RTN4: variants seen among roughly 807,000 people sequenced by gnomAD.
RTN4 encodes the protein reticulon 4.
RTN4 carries 32 observed loss-of-function variants against 90.4 expected under a neutral mutation model. The observed-to-expected ratio is 0.35, with a 90% CI of 0.27 to 0.48. The LOEUF (loss-of-function observed/expected upper bound fraction) is 0.48. Ranked by LOEUF, RTN4 falls within the 20% of genes least tolerant of loss-of-function variation. The pLI, the probability that RTN4 is intolerant of heterozygous loss-of-function variation, is 0.99. For synonymous variants in RTN4, 629 were observed against 552.5 expected (o/e 1.14, Z -1.94); for missense variants, 1,706 against 1,430.2 (o/e 1.19, Z -3.11).
At chr2:55,043,917 A>C (rs1270650190) in intron 1 of RTN4, among the ~76,000 whole-genome samples, 1 of 151,798 alleles carries the variant, frequency 6.6e-6, no homozygotes, top group Non-Finnish European at 1.5e-5. Flanking sequence ...TAAAAATAAA[A>C]ATATATTTAG....
chr2:55,073,606 T>C (rs1668550923), intron 2 of RTN4, among the ~76,000 whole-genome samples: 2 of 152,222 alleles, frequency 1.3e-5, no homozygotes, highest in African/African-American at 2.4e-5. Flanking sequence ...GATACACTAC[T>C]ATGTCAATGT....
chr2:55,102,250 T>A (rs1395203640), intron 1 of RTN4, among the ~76,000 whole-genome samples: 2 of 152,128 alleles, frequency 1.3e-5, no homozygotes, highest in Non-Finnish European at 2.9e-5. Flanking sequence ...TTTAGTTTGT[T>A]TTTGTAAGGC....
At chr2:54,985,123 A>G (rs1480128673) in intron 4 of RTN4, among the ~76,000 whole-genome samples, 1 of 115,850 alleles carries the variant, frequency 8.6e-6, no homozygotes, top group Non-Finnish European at 1.8e-5. Flanking sequence ...CTTCTTTATG[A>G]TTTGTGGCTT....
chr2:55,039,424 C>T (rs1204175545), intron 1 of RTN4, among the ~76,000 whole-genome samples: 1 of 152,072 alleles, frequency 6.6e-6, no homozygotes, highest in African/African-American at 2.4e-5. Flanking sequence ...GTGGACCTTA[C>T]TCGAATTCTG....
chr2:55,042,509 G>C (rs922526882), intron 1 of RTN4, among the ~76,000 whole-genome samples: 6 of 152,168 alleles, frequency 3.9e-5, no homozygotes, highest in Non-Finnish European at 8.8e-5. Context: ...TTTATCCACA[G>C]ATTATCTCTA....
At chr2:55,095,664 A>G (rs983351164) in intron 1 of RTN4, among the ~76,000 whole-genome samples, 2 of 152,048 alleles carry the variant, frequency 1.3e-5, no homozygotes, top group African/African-American at 4.8e-5. Flanking sequence ...TGACTCCCCT[A>G]AATAGCTGGG....
At chr2:55,034,948 T>C (rs1441199255) in intron 1 of RTN4, among the ~76,000 whole-genome samples, 1 of 152,208 alleles carries the variant, frequency 6.6e-6, no homozygotes, top group African/African-American at 2.4e-5. Context: ...AAATTGAGAA[T>C]GCATTCTGTA....
chr2:55,136,492 G>A, the RTN4 span, among the ~76,000 whole-genome samples: 1 of 152,210 alleles, frequency 6.6e-6, no homozygotes, highest in Non-Finnish European at 1.5e-5. Flanking sequence ...ACTTCCTTTT[G>A]TTCCTGCGCT....
chr2:55,088,110 C>G (rs982105657), intron 1 of RTN4, among the ~76,000 whole-genome samples: 1 of 152,188 alleles, frequency 6.6e-6, no homozygotes, highest in African/African-American at 2.4e-5. Context: ...GTATGCACAG[C>G]TAGCACAGTT....
chr2:55,098,210 G>A (rs749838279), intron 1 of RTN4, among the ~76,000 whole-genome samples: 13 of 152,124 alleles, frequency 8.5e-5, no homozygotes, highest in Non-Finnish European at 1.9e-4. Flanking sequence ...CCAGCACAAA[G>A]CTGGTGTTTA....
chr2:55,052,115 G>C (rs767320339), upstream of RTN4, among the ~76,000 whole-genome samples: 2 of 152,170 alleles, frequency 1.3e-5, no homozygotes, highest in African/African-American at 4.8e-5. Context: ...AAACTGTTCT[G>C]TATTATCCTG....
intron 3 of RTN4, among the ~76,000 whole-genome samples, chr2:55,009,824 T>C (rs1469592026): frequency 6.6e-6 from 1 of 152,220 alleles, no homozygotes; most frequent in Non-Finnish European, 1.5e-5. Flanking sequence ...CTATATTGTT[T>C]ACAATGTGCA....
intron 7 of RTN4, 32 bp from the exon 8 acceptor site, chr2:54,973,653 T>C: frequency 1.9e-6 from 3 of 1,574,000 alleles, no homozygotes. Flanking sequence ...ATTATTACCG[T>C]TGCTAAAGAA....
At chr2:55,044,839 G>C (rs1386349836) in intron 1 of RTN4, among the ~76,000 whole-genome samples, 2 of 139,200 alleles carry the variant, frequency 1.4e-5, no homozygotes, top group Non-Finnish European at 1.5e-5. Context: ...CAGTTGCCCA[G>C]GAACCAATCT....
intron 2 of RTN4, chr2:55,056,442 G>A (rs988838104): frequency 6.6e-6 from 1 of 152,218 alleles, no homozygotes; most frequent in Non-Finnish European, 1.5e-5. Context: ...ACATGAAAAG[G>A]TGAGCCGGCT....
At chr2:55,015,524 GA>G (rs1237565057) in intron 3 of RTN4, among the ~76,000 whole-genome samples, 3 of 151,904 alleles carry the variant, frequency 2.0e-5, no homozygotes, top group East Asian at 1.9e-4. Flanking sequence ...TAAAATCAGG[GA>G]AAAAAATGAA....
At chr2:55,128,189 G>C in the RTN4 span, among the ~76,000 whole-genome samples, 69 of 152,236 alleles carry the variant, frequency 4.5e-4, 1 homozygote, top group African/African-American at 2.4e-4. Context: ...TTTGAGGACA[G>C]AGCATGTCCT....
intron 1 of RTN4, among the ~76,000 whole-genome samples, chr2:55,111,611 A>G (rs1405479938): frequency 4.6e-5 from 7 of 152,132 alleles, no homozygotes; most frequent in Non-Finnish European, 1.0e-4. Context: ...GCTGGGAGTC[A>G]CAGACCTCTC....
chr2:55,110,234 C>T (rs2105066489), intron 1 of RTN4, among the ~76,000 whole-genome samples: 2 of 151,268 alleles, frequency 1.3e-5, no homozygotes, highest in South Asian at 4.2e-4. Flanking sequence ...TTGCTTGAGC[C>T]TGGGAGGCAG....
Sources: gnomAD v4.1 joint callset for allele counts (sites outside exome capture counted in the v4.1 genomes callset) on GRCh38, gnomAD v4.1.1 for gene constraint, MANE v1.5 for transcripts, NCBI Gene and HGNC (gene_info 2026-07-23, HGNC 2026-07-21) for gene names.